ANKH: variants seen among roughly 807,000 people sequenced by gnomAD.
ANKH encodes mineralization regulator ANKH.
ANKH carries 15 observed loss-of-function variants against 49.0 expected under a neutral mutation model. The observed-to-expected ratio is 0.31, with a 90% CI of 0.20 to 0.47. The LOEUF (loss-of-function observed/expected upper bound fraction) is 0.47, where lower values mean the gene tolerates loss of function less well. ANKH is among the 20% of genes least tolerant of loss of function. The probability of loss-of-function intolerance (pLI) is 1.00; values close to 1 mark genes in which losing one functional copy is unlikely to be tolerated. For missense variants in ANKH, 429 were observed against 652.0 expected, an observed-to-expected ratio of 0.66 and a Z score of 3.72; for synonymous variants, 273 against 260.0, an observed-to-expected ratio of 1.05 and a Z score of -0.48.
At chr5:14,781,986 C>T (rs1739820638) in intron 1 of ANKH, among the ~76,000 whole-genome samples, 1 of 152,028 alleles carries the variant, frequency 6.6e-6, no homozygotes, top group Non-Finnish European at 1.5e-5. Context: ...ACCAACTCTC[C>T]CTACCTACTA....
Position 14,707,402 on chromosome 5 carries a change from C to T in ANKH, c.*3795G>A, listed in dbSNP as rs1736982145. On this transcript the variant is annotated 3_prime_UTR_variant, in exon 12 of 12. Coordinates refer to ENST00000284268, the MANE Select transcript of ANKH (RefSeq NM_054027.6). ...CCTGCCCCTTCCCTCCAGAAGATCC[C>T]CAAATGGGGAACAAGTAAGAGAGCA... 6.6e-6 allele frequency: 1 copy of T among 152,142 alleles called. No homozygotes were observed. The highest frequency in any genetic ancestry group is 2.1e-4 in the South Asian group (1 of 4,832). 9.4% of individuals were successfully genotyped at this position (152,142 alleles called of 1,614,324 possible).
intron 8 of ANKH, among the ~76,000 whole-genome samples, chr5:14,723,033 C>T (rs750814309): frequency 1.3e-5 from 2 of 152,078 alleles, no homozygotes; most frequent in Admixed American, 6.5e-5. Context: ...ACCAAATACC[C>T]GACCAGAACT....
chr5:14,775,437 A>T (rs535852745), intron 1 of ANKH, among the ~76,000 whole-genome samples: 1 of 152,238 alleles, frequency 6.6e-6, no homozygotes, highest in Non-Finnish European at 1.5e-5. Context: ...AGTTATGTCA[A>T]TGTGGTCTCT....
chr5:14,810,824 A>G (rs937395095), intron 1 of ANKH, among the ~76,000 whole-genome samples: 5 of 152,232 alleles, frequency 3.3e-5, no homozygotes, highest in African/African-American at 1.2e-4. Flanking sequence ...CAGACTCAGT[A>G]TGAGATCAAA....
intron 2 of ANKH, among the ~76,000 whole-genome samples, chr5:14,762,420 T>C (rs1356968045): frequency 6.6e-6 from 1 of 152,042 alleles, no homozygotes; most frequent in African/African-American, 2.4e-5. Context: ...CCTAGCTCCC[T>C]TGGTTTCAGA....
intron 1 of ANKH, chr5:14,798,146 C>G: frequency 6.4e-7 from 1 of 1,552,184 alleles, no homozygotes; most frequent in Non-Finnish European, 8.9e-7. Context: ...CATCAGGCAG[C>G]TGCACACTGG....
intron 1 of ANKH, among the ~76,000 whole-genome samples, chr5:14,834,059 G>A (rs1025793396): frequency 6.6e-6 from 1 of 152,034 alleles, no homozygotes; most frequent in Non-Finnish European, 1.5e-5. Flanking sequence ...AAAATCCACT[G>A]GCATCTTTAA....
chr5:14,809,335 T>TAAAAAAAAAAAAAAAAAAAAA (rs36119317), intron 1 of ANKH, among the ~76,000 whole-genome samples: 3 of 80,852 alleles, frequency 3.7e-5, no homozygotes, highest in East Asian at 3.5e-4. Context: ...TAGAGTATAA[T>TAAAAAAAAAAAAAAAAAAAAA]AAAAAAAAAA....
At chr5:14,722,712 A>C (rs1737706867) in intron 8 of ANKH, among the ~76,000 whole-genome samples, 1 of 152,216 alleles carries the variant, frequency 6.6e-6, no homozygotes, top group South Asian at 2.1e-4. Context: ...GAAGGGACAA[A>C]TGTCCTGCAC....
At chr5:14,814,245 G>T (rs570111380) in intron 1 of ANKH, among the ~76,000 whole-genome samples, 1 of 152,260 alleles carries the variant, frequency 6.6e-6, no homozygotes, top group South Asian at 2.1e-4. Context: ...CAACGTGAGG[G>T]CAGGAGACTG....
At chr5:14,832,047 G>A (rs1161009335) in intron 1 of ANKH, among the ~76,000 whole-genome samples, 1 of 152,126 alleles carries the variant, frequency 6.6e-6, no homozygotes, top group East Asian at 1.9e-4. Context: ...TACCAGCAGT[G>A]CACACAGCTC....
chr5:14,833,683 C>T (rs1289518653), intron 1 of ANKH, among the ~76,000 whole-genome samples: 1 of 152,242 alleles, frequency 6.6e-6, no homozygotes, highest in African/African-American at 2.4e-5. Flanking sequence ...ACTCTGTGGA[C>T]TGGCCAATGC....
chr5:14,792,020 G>A (rs1324369247), intron 1 of ANKH, among the ~76,000 whole-genome samples: 1 of 152,162 alleles, frequency 6.6e-6, no homozygotes, highest in African/African-American at 2.4e-5. Flanking sequence ...GCTCTGATTC[G>A]ATCAGCAAGA....
chr5:14,815,806 C>A (rs922020614), intron 1 of ANKH, among the ~76,000 whole-genome samples: 5 of 152,260 alleles, frequency 3.3e-5, no homozygotes, highest in Non-Finnish European at 7.3e-5. Flanking sequence ...AATGTAGAGA[C>A]TTAATACTGC....
At chr5:14,861,367 G>A (rs1052008448) in intron 1 of ANKH, among the ~76,000 whole-genome samples, 5 of 152,256 alleles carry the variant, frequency 3.3e-5, no homozygotes, top group African/African-American at 1.2e-4. Flanking sequence ...TCATTAACCT[G>A]TCAGCAGACA....
intron 1 of ANKH, among the ~76,000 whole-genome samples, chr5:14,833,576 G>T (rs1267145961): frequency 6.6e-6 from 1 of 152,160 alleles, no homozygotes; most frequent in African/African-American, 2.4e-5. Context: ...AAAAGGATGA[G>T]GACTACCTTA....
intron 1 of ANKH, chr5:14,797,402 TA>T: frequency 6.2e-7 from 1 of 1,611,008 alleles, no homozygotes; most frequent in African/African-American, 1.3e-5. Context: ...CACTGGAAGC[TA>T]AAATAGTCTC....
At chr5:14,722,850 A>C (rs925043365) in intron 8 of ANKH, among the ~76,000 whole-genome samples, 1 of 151,972 alleles carries the variant, frequency 6.6e-6, no homozygotes, top group Admixed American at 6.6e-5. Flanking sequence ...ACAGCAGAGG[A>C]ACACGGCAGA....
chr5:14,744,374 G>A (rs1187687093), intron 7 of ANKH, among the ~76,000 whole-genome samples: 3 of 152,222 alleles, frequency 2.0e-5, no homozygotes, highest in African/African-American at 4.8e-5. Flanking sequence ...ACAGGGTTCT[G>A]GGTCTATCGC....
Sources: gnomAD v4.1 joint callset for allele counts (sites outside exome capture counted in the v4.1 genomes callset) on GRCh38, gnomAD v4.1.1 for gene constraint, MANE v1.5 for transcripts, NCBI Gene and HGNC (gene_info 2026-07-23, HGNC 2026-07-21) for gene names.